The following C2CD5 variants were observed in gnomAD, a reference collection of about 807,000 sequenced individuals.
C2CD5 encodes the protein C2 domain-containing protein 5.
Under a neutral mutation model 130.3 loss-of-function variants are expected in C2CD5, and 109 were observed. The observed-to-expected ratio is 0.84, with a 90% CI of 0.72 to 0.98. C2CD5 has a LOEUF of 0.98. Ranked by LOEUF, C2CD5 falls within the 50% of genes least tolerant of loss-of-function variation. The pLI, the probability that C2CD5 is intolerant of heterozygous loss-of-function variation, is 0.00. For missense variants in C2CD5, 996 were observed against 1,261.8 expected (o/e 0.79, Z 3.19); for synonymous variants, 454 against 429.2 (o/e 1.06, Z -0.71).
chr12:22,497,716 CATT>C (rs1480312113), intron 10 of C2CD5: 4 of 209,790 alleles, frequency 1.9e-5, no homozygotes, highest in African/African-American at 7.1e-5. Flanking sequence ...AGAAGATTCT[CATT>C]ATAGAGGAAG....
chr12:22,525,696 C>T lies in C2CD5; in HGVS notation c.359G>A (p.Gly120Glu), dbSNP rs1323778012. 1 of 1,482,864 alleles carries T rather than the reference C, an allele frequency of 6.7e-7. No individual in the cohort carries two copies. The highest frequency in any genetic ancestry group is 9.4e-7 in the Non-Finnish European group (1 of 1,062,148). 91.9% of individuals were successfully genotyped at this position (1,482,864 alleles called of 1,614,324 possible). The change falls in exon 5 of 27, where the codon GGG becomes GAG. Residue 120 changes from glycine to glutamate, a missense_variant. By Grantham distance (98) the Gly-to-Glu change is moderately conservative. Transcript: ENST00000446597. ...PIYDTIHGIR[G>E]EINVVVKVDL... ...TACTTTGACAACTACATTGATTTCC[C>T]CACGGATACCTATAAATTTAAAAAG...
chr12:22,516,632 G>T (rs192868591), intron 8 of C2CD5, among the ~76,000 whole-genome samples: 1 of 150,050 alleles, frequency 6.7e-6, no homozygotes, highest in East Asian at 1.9e-4. Context: ...TCTGTGGTAT[G>T]GCAAAAAAAA....
At chr12:22,507,317 GT>G (rs1397791138) in intron 9 of C2CD5, among the ~76,000 whole-genome samples, 7 of 152,186 alleles carry the variant, frequency 4.6e-5, no homozygotes, top group Non-Finnish European at 8.8e-5. Context: ...AGCAGTGTGG[GT>G]TAAGAGAAAG....
Position 22,470,844 on chromosome 12 carries a change from A to G in C2CD5, c.2426T>C (p.Val809Ala), listed in dbSNP as rs778927213. The change falls in exon 21 of 27, where the codon GTT becomes GCT. Residue 809 changes from valine (V) to alanine (A), a missense_variant. Transcript: ENST00000446597. The part of the protein sequence containing the change: ...NQALQTTKTP[V>A]EKSLQRASTD... ...TTTACCTCTTTGCAATGACTTTTCA[A>G]CAGGGGTTTTTGTGGTTTGTAAAGC... is the stretch of plus-strand genomic sequence containing the variant. 11 of 1,610,738 alleles carry G rather than the reference A, an allele frequency of 6.8e-6. No homozygotes were observed. The South Asian group carries it at 1.1e-4, about 16-fold the overall frequency.
At chr12:22,490,486 T>C (rs995072709) in intron 11 of C2CD5, among the ~76,000 whole-genome samples, 6 of 151,980 alleles carry the variant, frequency 3.9e-5, no homozygotes, top group African/African-American at 1.5e-4. Context: ...TCATTTAAAA[T>C]ATGGCAAGGC....
At chr12:22,516,450 G>A (rs1949731242) in intron 8 of C2CD5, among the ~76,000 whole-genome samples, 1 of 151,324 alleles carries the variant, frequency 6.6e-6, no homozygotes, top group Non-Finnish European at 1.5e-5. Context: ...CACCCCATTT[G>A]AGAATAAATT....
chr12:22,452,416 A>T (rs1018349595), intron 26 of C2CD5, among the ~76,000 whole-genome samples: 4 of 151,464 alleles, frequency 2.6e-5, no homozygotes. Flanking sequence ...CTCCCCATGT[A>T]CCCCTTTTGA....
intron 2 of C2CD5, among the ~76,000 whole-genome samples, chr12:22,543,614 G>C (rs1952626899): frequency 6.6e-6 from 1 of 152,254 alleles, no homozygotes; most frequent in African/African-American, 2.4e-5. Flanking sequence ...GCCTGTGTGT[G>C]TGTGTGTTTC....
intron 8 of C2CD5, chr12:22,515,000 T>C (rs1949571144): frequency 2.0e-6 from 2 of 985,224 alleles, no homozygotes; most frequent in South Asian, 4.7e-5. Context: ...AGAAACACTT[T>C]TCCTCAGAAC....
chr12:22,473,003 G>A (rs985644608), intron 16 of C2CD5, among the ~76,000 whole-genome samples, 196 bp from the exon 17 acceptor site: 10 of 151,898 alleles, frequency 6.6e-5, no homozygotes, highest in African/African-American at 1.5e-4. Flanking sequence ...AATATTTTAC[G>A]TACAAAGTAC....
At chr12:22,457,499 TA>T (rs1251438708) in intron 24 of C2CD5, among the ~76,000 whole-genome samples, 1 of 152,168 alleles carries the variant, frequency 6.6e-6, no homozygotes, top group African/African-American at 2.4e-5. Context: ...AACAAATTAT[TA>T]CAAGGAGAGT....
At chr12:22,495,682 G>A (rs572076303) in intron 10 of C2CD5, among the ~76,000 whole-genome samples, 2 of 152,020 alleles carry the variant, frequency 1.3e-5, no homozygotes, top group South Asian at 4.2e-4. Context: ...TGCCATTATT[G>A]TATTTAATAA....
rs1199079535 is a variant in C2CD5 at position 22,516,370 on chromosome 12, A to G, written c.952+1616T>C. The stretch of plus-strand genomic sequence containing the variant: ...CTAATATTATATAAATAAACTATTG[A>G]AGTAATAAATAATTTTAGGAAAAAA... On this transcript the variant is annotated intron_variant, in intron 8 of 26. Coordinates refer to ENST00000446597, the MANE Select transcript of C2CD5 (RefSeq NM_001286176.2). Among the ~76,000 whole-genome samples, 3 of 151,862 alleles carry G rather than the reference A, an allele frequency of 2.0e-5. No individual in the cohort carries two copies. In the East Asian group the frequency reaches 5.8e-4, roughly 29 times the overall value.
chr12:22,513,615 A>G (rs1328434866), intron 8 of C2CD5, among the ~76,000 whole-genome samples: 1 of 152,142 alleles, frequency 6.6e-6, no homozygotes, highest in African/African-American at 2.4e-5. Context: ...TAATTTTTTC[A>G]GAAAATTATA....
Position 22,452,690 on chromosome 12 carries a change from TAAACTATCAAGAA to T in C2CD5, c.3024+1193_3024+1205del, listed in dbSNP as rs201855516. 2.0e-3 allele frequency among the ~76,000 whole-genome samples: 297 copies of T among 152,306 alleles called. 8 individuals are homozygous for T. In the East Asian group the frequency reaches 0.048, roughly 24 times the overall value. Reference sequence around the variant, plus strand: ...GTATACCGTGAGTTACAAAAATGTATAAACTATCAAGAAAACCTGAAAAGAACTTAGTAAATGA... The same window carrying T: ...GTATACCGTGAGTTACAAAAATGTATAACCTGAAAAGAACTTAGTAAATGA... On this transcript the variant is annotated intron_variant, in intron 26 of 26. Coordinates refer to ENST00000446597, the MANE Select transcript of C2CD5 (RefSeq NM_001286176.2).
chr12:22,467,644 T>C (rs772971654), intron 22 of C2CD5, among the ~76,000 whole-genome samples: 2 of 152,182 alleles, frequency 1.3e-5, no homozygotes, highest in African/African-American at 2.4e-5. Context: ...TGGTCCAAGT[T>C]CTCATGCCTA....
At chr12:22,527,521 T>C (rs958987335) in intron 4 of C2CD5, among the ~76,000 whole-genome samples, 200 bp downstream of exon 4, 11 of 151,818 alleles carry the variant, frequency 7.2e-5, no homozygotes, top group African/African-American at 2.4e-4. Context: ...TTTCTCCATG[T>C]TGATCAGGCT....
At chr12:22,492,181 A>C (rs1946442279) in intron 11 of C2CD5, among the ~76,000 whole-genome samples, 2 of 152,212 alleles carry the variant, frequency 1.3e-5, no homozygotes, top group Non-Finnish European at 1.5e-5. Context: ...AGGATCTAAC[A>C]GTAAGAATTA....
intron 22 of C2CD5, among the ~76,000 whole-genome samples, chr12:22,464,862 G>C (rs1166733748): frequency 1.3e-5 from 2 of 152,212 alleles, no homozygotes; most frequent in South Asian, 2.1e-4. Flanking sequence ...TTAGTTGGCA[G>C]GAAAAGTAAA....
Sources: gnomAD v4.1 joint callset for allele counts (sites outside exome capture counted in the v4.1 genomes callset) on GRCh38, gnomAD v4.1.1 for gene constraint, MANE v1.5 for transcripts, NCBI Gene and HGNC (gene_info 2026-07-23, HGNC 2026-07-21) for gene names.